The following MYO1H variants were observed in gnomAD, a reference collection of about 807,000 sequenced individuals.
MYO1H encodes the protein myosin IH.
A neutral mutation model predicts 149.3 loss-of-function variants in MYO1H; 118 were observed. That is an observed-to-expected ratio of 0.79 (90% CI 0.68 to 0.92). MYO1H has a LOEUF of 0.92. Among genes scored for constraint, MYO1H ranks in the 40% least tolerant of loss-of-function variants. MYO1H has a pLI of 0.00. For missense variants in MYO1H, 1,212 were observed against 1,280.7 expected, an observed-to-expected ratio of 0.95 and a Z score of 0.82; for synonymous variants, 447 against 465.2, an observed-to-expected ratio of 0.96 and a Z score of 0.50.
At chr12:109,356,240 T>G (rs1868593739) in intron 1 of MYO1H, among the ~76,000 whole-genome samples, 1 of 152,100 alleles carries the variant, frequency 6.6e-6, no homozygotes, top group South Asian at 2.1e-4. Flanking sequence ...TCCAAACAGG[T>G]TTTAACATAA....
intron 17 of MYO1H, among the ~76,000 whole-genome samples, chr12:109,425,474 G>A (rs904394784): frequency 6.6e-6 from 1 of 152,216 alleles, no homozygotes; most frequent in Admixed American, 6.5e-5. Flanking sequence ...CAGGCACTGT[G>A]CCAGGCACAG....
chr12:109,342,482 T>G, the MYO1H span, among the ~76,000 whole-genome samples: 1 of 151,738 alleles, frequency 6.6e-6, no homozygotes, highest in Non-Finnish European at 1.5e-5. Flanking sequence ...TTTCTTTTAT[T>G]TTTCTGTTGC....
chr12:109,433,376 T>C (rs1188240742), intron 20 of MYO1H, among the ~76,000 whole-genome samples: 6 of 152,182 alleles, frequency 3.9e-5, no homozygotes, highest in African/African-American at 9.7e-5. Flanking sequence ...ACCTAGACAA[T>C]GTGAGATCAT....
chr12:109,397,678 A>G, intron 4 of MYO1H, 54 bp from the exon 5 acceptor site: 1 of 1,439,006 alleles, frequency 6.9e-7, no homozygotes, highest in Non-Finnish European at 9.5e-7. Context: ...GGGGTCAGGA[A>G]TTTGATACGC....
At chr12:109,311,302 G>A in the MYO1H span, among the ~76,000 whole-genome samples, 1 of 152,188 alleles carries the variant, frequency 6.6e-6, no homozygotes, top group Non-Finnish European at 1.5e-5. Context: ...GGGGTGGGAG[G>A]TTGAGGGTGT....
chr12:109,358,535 T>G (rs1022186264), intron 1 of MYO1H, among the ~76,000 whole-genome samples: 1 of 152,224 alleles, frequency 6.6e-6, no homozygotes, highest in African/African-American at 2.4e-5. Flanking sequence ...AAGTGTGGAC[T>G]TCGTCTCCGG....
chr12:109,415,804 G>A (rs1336854213), intron 15 of MYO1H, among the ~76,000 whole-genome samples, 184 bp downstream of exon 15: 1 of 151,972 alleles, frequency 6.6e-6, no homozygotes, highest in Non-Finnish European at 1.5e-5. Flanking sequence ...CCACTTTATT[G>A]AGATGCAATT....
chr12:109,313,313 A>G, the MYO1H span, among the ~76,000 whole-genome samples: 70 of 152,288 alleles, frequency 4.6e-4, no homozygotes, highest in African/African-American at 1.6e-3. Context: ...CCCCTCTCCA[A>G]GGTGCATGCC....
intron 31 of MYO1H, among the ~76,000 whole-genome samples, chr12:109,446,722 C>T (rs1268071616): frequency 6.6e-6 from 1 of 152,190 alleles, no homozygotes; most frequent in Non-Finnish European, 1.5e-5. Context: ...TGAGATCGCA[C>T]CACTACACTC....
At chr12:109,425,106 CAAAAAT>C (rs555880887) in intron 17 of MYO1H, among the ~76,000 whole-genome samples, 84 of 151,968 alleles carry the variant, frequency 5.5e-4, no homozygotes, top group African/African-American at 1.3e-3. Context: ...CCTGTCTCTA[CAAAAAT>C]AAAAATAAAA....
rs369826326 is a variant in MYO1H at position 109,418,701 on chromosome 12, G to A, written c.1598-2280G>A. Among the ~76,000 whole-genome samples the A allele has an allele frequency of 4.9e-4, 39 of 79,318 alleles. 2 individuals carry two copies. The highest frequency in any genetic ancestry group is 1.8e-3 in the African/African-American group (38 of 20,846). The allele number at this position is 79,318 out of a possible 152,430, so 52.0% of individuals were successfully genotyped here. A position where few individuals can be genotyped will look rare whatever the true frequency, so the allele number is the denominator to read the frequency against. ...GTAGCTGGGACTACAGGCACCCCAC[G>A]CCCGGCTAGTTTTTTGTATTTTTTA... On this transcript the variant is annotated intron_variant, in intron 15 of 31. Transcript: ENST00000310903.
In MYO1H at chr12:109,443,302, A is replaced by ATATGTGTACGTATATATGTGTGTATG. The variant is rs1566045389; in HGVS notation, c.2689-186_2689-161dup. On this transcript the variant is annotated intron_variant, in intron 27 of 31. Transcript: ENST00000310903. The stretch of plus-strand genomic sequence containing the variant: ...TATGTGTACGTATATATGTGTGTAT[A>ATATGTGTACGTATATATGTGTGTATG]TATGTGTACGTATATATGTGTGTAT... 1.1e-4 allele frequency among the ~76,000 whole-genome samples: 14 copies of ATATGTGTACGTATATATGTGTGTATG among 127,766 alleles called. 1 individual carries two copies. The highest frequency in any genetic ancestry group is 7.3e-4 in the Admixed American group (10 of 13,752). 83.8% of individuals were successfully genotyped at this position (127,766 alleles called of 152,430 possible).
chr12:109,445,038 G>C (rs1410293182), intron 30 of MYO1H, among the ~76,000 whole-genome samples: 7 of 152,140 alleles, frequency 4.6e-5, no homozygotes, highest in Admixed American at 4.6e-4. Context: ...CTTCATCCCT[G>C]GGATCTTGGC....
At chr12:109,438,489 C>T (rs1293943533) in intron 22 of MYO1H, 47 bp from the exon 23 acceptor site, 4 of 1,461,854 alleles carry the variant, frequency 2.7e-6, no homozygotes, top group Non-Finnish European at 9.5e-7. Context: ...TTCTGTATTT[C>T]CATACGATTG....
intron 12 of MYO1H, 128 bp from the exon 13 acceptor site, chr12:109,410,560 A>T (rs1311591794): frequency 3.0e-6 from 2 of 676,824 alleles, no homozygotes; most frequent in Non-Finnish European, 5.2e-6. Flanking sequence ...TTCAGAAAAT[A>T]TAATTTGTTT....
At chr12:109,351,557 T>A (rs140595578) in intron 1 of MYO1H, among the ~76,000 whole-genome samples, 1 of 152,240 alleles carries the variant, frequency 6.6e-6, no homozygotes, top group Non-Finnish European at 1.5e-5. Flanking sequence ...GTAATTGCGT[T>A]ATATTTCTAA....
intron 2 of MYO1H, 99 bp downstream of exon 2, chr12:109,388,943 G>C: frequency 1.4e-6 from 2 of 1,395,010 alleles, no homozygotes; most frequent in Non-Finnish European, 1.9e-6. Context: ...TATTAGGTTA[G>C]ACATTAAAGG....
intron 14 of MYO1H, among the ~76,000 whole-genome samples, 181 bp downstream of exon 14, chr12:109,412,166 A>AT (rs1011419000): frequency 5.3e-5 from 8 of 151,298 alleles, no homozygotes; most frequent in East Asian, 1.9e-4. Flanking sequence ...ATGAATTATA[A>AT]TTTTTTTTTG....
intron 1 of MYO1H, among the ~76,000 whole-genome samples, chr12:109,349,812 T>A (rs1278621403): frequency 6.6e-6 from 1 of 150,628 alleles, no homozygotes; most frequent in Admixed American, 6.6e-5. Flanking sequence ...TACAAAAAAA[T>A]TAGCCGGGCG....
Sources: allele counts gnomAD v4.1 joint callset (sites outside exome capture counted in the v4.1 genomes callset), GRCh38; gene constraint gnomAD v4.1.1; transcripts MANE v1.5; gene names NCBI Gene and HGNC (gene_info 2026-07-23, HGNC 2026-07-21).